Variants in PXDC1 observed in about 807,000 individuals in gnomAD.
PXDC1 encodes the protein PX domain-containing protein 1.
PXDC1 carries 13 observed loss-of-function variants against 24.4 expected under a neutral mutation model. The ratio of observed to expected loss-of-function variants is 0.53; its 90% confidence interval spans 0.35 to 0.85. PXDC1 has a LOEUF of 0.85. Among genes scored for constraint, PXDC1 ranks in the 40% least tolerant of loss-of-function variants. PXDC1 has a pLI of 0.01. For missense variants in PXDC1, 344 were observed against 309.3 expected, an observed-to-expected ratio of 1.11 and a Z score of -0.84; for synonymous variants, 162 against 124.9, an observed-to-expected ratio of 1.30 and a Z score of -1.98.
intron 3 of PXDC1, 62 bp from the exon 4 acceptor site, chr6:3,727,724 T>C: frequency 9.4e-7 from 1 of 1,060,302 alleles, no homozygotes; most frequent in Non-Finnish European, 1.5e-6. Flanking sequence ...TTTTGGAGTT[T>C]GGAACTTACT....
At chr6:3,747,166 C>A (rs1048091027) in intron 1 of PXDC1, among the ~76,000 whole-genome samples, 3 of 152,104 alleles carry the variant, frequency 2.0e-5, no homozygotes, top group Non-Finnish European at 4.4e-5. Flanking sequence ...GCCGACTCCC[C>A]CATGGCAGCA....
At chr6:3,744,457 C>G (rs972969111) in intron 1 of PXDC1, among the ~76,000 whole-genome samples, 2 of 152,146 alleles carry the variant, frequency 1.3e-5, no homozygotes, top group Admixed American at 6.5e-5. Flanking sequence ...GGATCCCCCC[C>G]ACACTCCCGG....
chr6:3,734,647 C>G (rs768902985), intron 3 of PXDC1, among the ~76,000 whole-genome samples: 1 of 152,124 alleles, frequency 6.6e-6, no homozygotes, highest in Non-Finnish European at 1.5e-5. Context: ...AAAAGGGGCT[C>G]CTGTACTCAC....
intron 3 of PXDC1, among the ~76,000 whole-genome samples, chr6:3,729,234 G>A (rs1166034774): frequency 2.0e-5 from 3 of 152,108 alleles, no homozygotes; most frequent in African/African-American, 7.2e-5. Context: ...GTCACTTTCT[G>A]TTTAATCTTT....
intron 3 of PXDC1, among the ~76,000 whole-genome samples, chr6:3,730,862 A>G (rs1035633179): frequency 3.9e-5 from 6 of 152,252 alleles, no homozygotes; most frequent in Non-Finnish European, 7.3e-5. Flanking sequence ...AGGAGGCACG[A>G]GCAGGTAGGA....
At chr6:3,736,641 G>A (rs982492485) in intron 3 of PXDC1, among the ~76,000 whole-genome samples, 1 of 152,180 alleles carries the variant, frequency 6.6e-6, no homozygotes, top group Non-Finnish European at 1.5e-5. Flanking sequence ...CCTGTGCCAG[G>A]AGCCACAGTC....
At chr6:3,742,122 A>C (rs1284689085) in intron 1 of PXDC1, among the ~76,000 whole-genome samples, 1 of 152,246 alleles carries the variant, frequency 6.6e-6, no homozygotes, top group Admixed American at 6.5e-5. Flanking sequence ...CGCTGAAGAC[A>C]CTGCTTTATT....
chr6:3,743,054 T>C (rs1242212663), intron 1 of PXDC1, among the ~76,000 whole-genome samples: 3 of 152,210 alleles, frequency 2.0e-5, no homozygotes, highest in Admixed American at 1.3e-4. Flanking sequence ...CGCTTCCGGA[T>C]CTCAGAAACC....
intron 1 of PXDC1, among the ~76,000 whole-genome samples, chr6:3,743,801 G>A (rs548998826): frequency 4.1e-4 from 63 of 152,232 alleles, no homozygotes; most frequent in Non-Finnish European, 8.2e-4. Flanking sequence ...AGGACAGAAG[G>A]CCTCCCCCAC....
chr6:3,751,232 G>C (rs1000857207), intron 1 of PXDC1, 44 bp downstream of exon 1: 10 of 1,384,156 alleles, frequency 7.2e-6, no homozygotes, highest in South Asian at 3.0e-5. Context: ...TGCACTTCAA[G>C]GCTGCCTCGG....
chr6:3,750,657 T>C (rs1459275778), intron 1 of PXDC1, among the ~76,000 whole-genome samples: 3 of 152,056 alleles, frequency 2.0e-5, no homozygotes, highest in African/African-American at 7.2e-5. Context: ...GCGCAGCTGA[T>C]CAAACGCGAA....
rs1009105848 is a variant in PXDC1 at position 3,751,610 on chromosome 6, G to A, written c.-79C>T. 12 of 1,398,670 alleles carry A rather than the reference G, an allele frequency of 8.6e-6. No homozygotes were observed. Among genetic ancestry groups the A allele is most frequent in the Non-Finnish European group, 1.1e-5 (12 of 1,083,312 alleles). 86.6% of individuals were successfully genotyped at this position (1,398,670 alleles called of 1,614,324 possible). ...CAGGAGGCGCGCCCCGGCCGGGGTCGTCCCGGGTCTGTCCGTGGCCGGGGT... is the reference window on the plus strand; with the variant it reads ...CAGGAGGCGCGCCCCGGCCGGGGTCATCCCGGGTCTGTCCGTGGCCGGGGT... On this transcript the variant is annotated 5_prime_UTR_variant, in exon 1 of 5. In the 5' UTR this introduces an upstream ATG that the reference lacks. Transcript: ENST00000380283.
rs745590594 is a variant in PXDC1, at chr6:3,751,493, G to A, written c.39C>T (p.Asn13=). The part of the protein sequence containing the change: ...SAVFEGTSLV[N]MFVRGCWVNG... ...TCACCCAGCAGCCGCGCACGAACATGTTCACGAGCGACGTGCCCTCAAACA... is the reference window on the plus strand; with the variant it reads ...TCACCCAGCAGCCGCGCACGAACATATTCACGAGCGACGTGCCCTCAAACA... The change falls in exon 1 of 5, where the codon AAC becomes AAT. Residue 13 remains asparagine, a synonymous_variant. Coordinates refer to ENST00000380283, the MANE Select transcript of PXDC1 (RefSeq NM_183373.4). 6.2e-7 allele frequency: 1 copy of A among 1,603,156 alleles called. No individual in the cohort carries two copies. The highest frequency in any genetic ancestry group is 1.1e-5 in the South Asian group (1 of 89,310).
At position 3,737,163 on chromosome 6, in the gene PXDC1, C is replaced by T; in HGVS notation, c.382G>A (p.Glu128Lys). 2.5e-6 allele frequency: 4 copies of T among 1,613,206 alleles called. No homozygotes were observed. The highest frequency in any genetic ancestry group is 2.2e-5 in the East Asian group (1 of 44,888). Reference sequence around the variant, plus strand: ...AACACCTGATCCAGAGGAGATCTTTCGAAGAAGGTGAGCACAACTTCCGAT... The same window carrying T: ...AACACCTGATCCAGAGGAGATCTTTTGAAGAAGGTGAGCACAACTTCCGAT... ...SRSEVVLTFF[E>K]RSPLDQVLKN... is the part of the protein sequence containing the mutation. The change falls in exon 3 of 5, where the codon GAA becomes AAA. Residue 128 changes from glutamate to lysine, a missense_variant. Glu to Lys is a moderately conservative substitution (Grantham distance 56, BLOSUM62 1). Coordinates refer to ENST00000380283, the MANE Select transcript of PXDC1 (RefSeq NM_183373.4). This position sits in a 1 kb window ranked among gnomAD's most constrained non-coding sequence, Gnocchi z 5.5.
chr6:3,724,296 G>T lies in PXDC1; in HGVS notation c.579-560C>A, dbSNP rs981085805. Reference sequence around the variant, plus strand: ...TGGGTACGTGTTTCATTCGCGCTCTGGCAGATGAGAAGCATCCGAACATGG... The same window carrying T: ...TGGGTACGTGTTTCATTCGCGCTCTTGCAGATGAGAAGCATCCGAACATGG... On this transcript the variant is annotated intron_variant, in intron 4 of 4. Coordinates refer to ENST00000380283, the MANE Select transcript of PXDC1 (RefSeq NM_183373.4). This position sits in a 1 kb window ranked among gnomAD's most constrained non-coding sequence, Gnocchi z 4.5. 3.9e-5 allele frequency among the ~76,000 whole-genome samples: 6 copies of T among 152,078 alleles called. No individual in the cohort carries two copies. The highest frequency in any genetic ancestry group is 3.9e-4 in the Admixed American group (6 of 15,270).
At chr6:3,750,032 G>A (rs958661943) in intron 1 of PXDC1, among the ~76,000 whole-genome samples, 1 of 152,262 alleles carries the variant, frequency 6.6e-6, no homozygotes, top group Non-Finnish European at 1.5e-5. Context: ...CTATAAATGT[G>A]AGGCTCTGGG....
chr6:3,740,146 T>C (rs1380632237), intron 1 of PXDC1, among the ~76,000 whole-genome samples: 11 of 152,244 alleles, frequency 7.2e-5, no homozygotes, highest in Admixed American at 4.6e-4. Context: ...ACCCATTTCA[T>C]AGGACAGAAA....
intron 3 of PXDC1, among the ~76,000 whole-genome samples, chr6:3,733,204 G>A (rs1199106025): frequency 6.6e-6 from 1 of 152,116 alleles, no homozygotes; most frequent in Non-Finnish European, 1.5e-5. Context: ...GGAGAAAGGG[G>A]GACGCATGAG....
chr6:3,744,951 C>T (rs1222108152), intron 1 of PXDC1, among the ~76,000 whole-genome samples: 1 of 152,226 alleles, frequency 6.6e-6, no homozygotes, highest in East Asian at 1.9e-4. Flanking sequence ...CCACCTGCCT[C>T]GGCCTCCCAA....
Sources: gnomAD v4.1 joint callset for allele counts (sites outside exome capture counted in the v4.1 genomes callset) on GRCh38, gnomAD v4.1.1 for gene constraint, Gnocchi (gnomAD v3.1) non-coding constraint, MANE v1.5 for transcripts, NCBI Gene and HGNC (gene_info 2026-07-23, HGNC 2026-07-21) for gene names.